Variants in KATNIP observed in about 807,000 individuals in gnomAD.
KATNIP encodes katanin-interacting protein.
KATNIP carries 126 observed loss-of-function variants against 174.0 expected under a neutral mutation model. The observed-to-expected ratio is 0.72, with a 90% CI of 0.63 to 0.84. The LOEUF (loss-of-function observed/expected upper bound fraction) is 0.84. Among genes scored for constraint, KATNIP ranks in the 40% least tolerant of loss-of-function variants. The pLI is 0.00. For missense variants in KATNIP, 1,958 were observed against 2,109.7 expected, an observed-to-expected ratio of 0.93 and a Z score of 1.41; for synonymous variants, 810 against 835.7, an observed-to-expected ratio of 0.97 and a Z score of 0.53.
intron 12 of KATNIP, among the ~76,000 whole-genome samples, chr16:27,704,376 C>T (rs1270114871): frequency 6.6e-6 from 1 of 152,194 alleles, no homozygotes; most frequent in Non-Finnish European, 1.5e-5. Context: ...AGCAAGGTTA[C>T]AATAAAGCTG....
At chr16:27,674,470 A>C (rs2078036538) in intron 6 of KATNIP, among the ~76,000 whole-genome samples, 1 of 152,264 alleles carries the variant, frequency 6.6e-6, no homozygotes, top group Admixed American at 6.5e-5. Flanking sequence ...GAGGCCACCT[A>C]CATTCCTTGG....
intron 23 of KATNIP, 38 bp from the exon 24 acceptor site, chr16:27,774,907 C>T (rs1381926050): frequency 3.1e-6 from 5 of 1,612,364 alleles, no homozygotes; most frequent in Middle Eastern, 3.3e-4. Flanking sequence ...GCCCCGAGCA[C>T]ACAGATTTGG....
At chr16:27,653,383 A>G (rs1332446160) in intron 6 of KATNIP, among the ~76,000 whole-genome samples, 1 of 152,114 alleles carries the variant, frequency 6.6e-6, no homozygotes, top group Non-Finnish European at 1.5e-5. Context: ...TGACATTTAT[A>G]AACGACTAAA....
At chr16:27,610,133 C>G (rs1409465441) in intron 2 of KATNIP, among the ~76,000 whole-genome samples, 1 of 152,072 alleles carries the variant, frequency 6.6e-6, no homozygotes, top group Non-Finnish European at 1.5e-5. Context: ...GGGACAGGAG[C>G]CCCCTTGGGG....
chr16:27,659,954 T>G, intron 6 of KATNIP: 5 of 976,886 alleles, frequency 5.1e-6, no homozygotes, highest in Non-Finnish European at 6.1e-6. Flanking sequence ...TGGTCCCCAC[T>G]ACCTATTGTA....
At chr16:27,683,989 G>A (rs73535050) in intron 8 of KATNIP, among the ~76,000 whole-genome samples, 1 of 152,174 alleles carries the variant, frequency 6.6e-6, no homozygotes, top group East Asian at 1.9e-4. Flanking sequence ...GAGTGGCACG[G>A]TGGTGGTCGT....
At chr16:27,775,687 G>A (rs1317115488) in intron 24 of KATNIP, among the ~76,000 whole-genome samples, 5 of 152,206 alleles carry the variant, frequency 3.3e-5, no homozygotes, top group Middle Eastern at 3.4e-3. Context: ...GGGCATGGAC[G>A]GGGTGGTCAG....
intron 2 of KATNIP, among the ~76,000 whole-genome samples, chr16:27,594,916 G>C (rs2075290426): frequency 1.3e-5 from 2 of 152,192 alleles, no homozygotes; most frequent in Admixed American, 1.3e-4. Context: ...ACTCAGCACA[G>C]AGCAATCAGT....
intron 5 of KATNIP, among the ~76,000 whole-genome samples, chr16:27,640,771 C>T (rs1478518348): frequency 6.6e-6 from 1 of 151,114 alleles, no homozygotes; most frequent in Non-Finnish European, 1.5e-5. Flanking sequence ...GCCTTAATGC[C>T]GACTGCAAAC....
At chr16:27,664,607 G>C (rs1031036390) in intron 6 of KATNIP, among the ~76,000 whole-genome samples, 1 of 152,206 alleles carries the variant, frequency 6.6e-6, no homozygotes, top group Non-Finnish European at 1.5e-5. Context: ...AACCACCGCT[G>C]TAGGGCTTGA....
chr16:27,761,030 T>C (rs1484394621), intron 18 of KATNIP, among the ~76,000 whole-genome samples: 1 of 152,146 alleles, frequency 6.6e-6, no homozygotes, highest in Non-Finnish European at 1.5e-5. Context: ...GGGTGGGGCC[T>C]AGGGTCCCTG....
At chr16:27,696,798 G>A (rs2078928012) in intron 8 of KATNIP, among the ~76,000 whole-genome samples, 1 of 150,422 alleles carries the variant, frequency 6.6e-6, no homozygotes, top group Non-Finnish European at 1.5e-5. Flanking sequence ...GTGCGATCTC[G>A]GCTCACTACA....
chr16:27,770,123 C>G, intron 21 of KATNIP, 105 bp downstream of exon 21: 3 of 1,271,492 alleles, frequency 2.4e-6, no homozygotes, highest in Non-Finnish European at 3.3e-6. Context: ...AAACGATGAT[C>G]AAACGCATTG....
chr16:27,721,553 T>G lies in KATNIP; in HGVS notation c.1606-5T>G. On this transcript the variant is annotated splice_region_variant and splice_polypyrimidine_tract_variant and intron_variant, in intron 13 of 27. Coordinates refer to ENST00000261588, the MANE Select transcript of KATNIP (RefSeq NM_015202.5). ...AATGATTTCCTTCTCTTGCTGGCCT[T>G]CTAGGGCAAGAAAGACTCCTCCCCG... 2 of 1,614,032 alleles carry G rather than the reference T, an allele frequency of 1.2e-6. No individual in the cohort carries two copies. Among genetic ancestry groups the G allele is most frequent in the South Asian group, 2.2e-5 (2 of 91,062 alleles).
At chr16:27,622,206 C>G (rs1428242560) in intron 3 of KATNIP, among the ~76,000 whole-genome samples, 1 of 152,174 alleles carries the variant, frequency 6.6e-6, no homozygotes, top group Non-Finnish European at 1.5e-5. Flanking sequence ...CACCACACAG[C>G]TCTTACCCTT....
chr16:27,637,573 C>G lies in KATNIP; in HGVS notation c.408+6411C>G, dbSNP rs945106755. On this transcript the variant is annotated intron_variant, in intron 5 of 27. Transcript: ENST00000261588. This position sits in a 1 kb window ranked among gnomAD's most constrained non-coding sequence, Gnocchi z 4.7. ...CATCGCAGCCAGGGCCTGAGAGTTA[C>G]CTGGAGCCAGCCCCGGAAAGATCTG... Among the ~76,000 whole-genome samples the G allele has an allele frequency of 1.3e-5, 2 of 152,150 alleles. No homozygotes were observed. Among genetic ancestry groups the G allele is most frequent in the Non-Finnish European group, 2.9e-5 (2 of 68,022 alleles).
At chr16:27,770,663 A>G (rs2082266944) in intron 21 of KATNIP, among the ~76,000 whole-genome samples, 1 of 152,240 alleles carries the variant, frequency 6.6e-6, no homozygotes, top group Admixed American at 6.5e-5. Context: ...ACAGCGGACC[A>G]GGGAGAGGGG....
intron 12 of KATNIP, among the ~76,000 whole-genome samples, chr16:27,707,371 GCT>G (rs765452019): frequency 4.7e-4 from 72 of 152,332 alleles, no homozygotes; most frequent in Admixed American, 9.8e-4. Context: ...ATTCACGCAG[GCT>G]CTCAGAGCAG....
intron 8 of KATNIP, 23 bp from the exon 9 acceptor site, chr16:27,698,305 G>A (rs753517933): frequency 4.4e-6 from 7 of 1,588,558 alleles, no homozygotes; most frequent in South Asian, 1.1e-5. Flanking sequence ...CTAAAAGAAC[G>A]TCCCCCTGTC....
Sources: allele counts gnomAD v4.1 joint callset (sites outside exome capture counted in the v4.1 genomes callset), GRCh38; gene constraint gnomAD v4.1.1; non-coding constraint Gnocchi (gnomAD v3.1); transcripts MANE v1.5; gene names NCBI Gene and HGNC (gene_info 2026-07-23, HGNC 2026-07-21).